NEGR1: variants seen among roughly 807,000 people sequenced by gnomAD.
NEGR1 encodes IgLON family member 4.
NEGR1 carries 10 observed loss-of-function variants against 40.9 expected under a neutral mutation model. The ratio of observed to expected loss-of-function variants is 0.24; its 90% confidence interval spans 0.15 to 0.42. The LOEUF (loss-of-function observed/expected upper bound fraction) is 0.42. Ranked by LOEUF, NEGR1 falls within the 10% of genes least tolerant of loss-of-function variation. NEGR1 has a pLI of 1.00. For missense variants in NEGR1, 352 were observed against 438.9 expected (o/e 0.80, Z 1.77); for synonymous variants, 185 against 166.8 (o/e 1.11, Z -0.84).
chr1:71,632,491 A>G (rs1287358025), intron 4 of NEGR1, among the ~76,000 whole-genome samples: 1 of 150,880 alleles, frequency 6.6e-6, no homozygotes, highest in Non-Finnish European at 1.5e-5. Context: ...TTGAACTTCT[A>G]TGCTATTAGT....
chr1:71,930,196 T>G (rs1645841949), intron 2 of NEGR1, among the ~76,000 whole-genome samples: 2 of 152,186 alleles, frequency 1.3e-5, no homozygotes, highest in African/African-American at 2.4e-5. Flanking sequence ...TATTGAAAGC[T>G]GTTATAAGTA....
intron 1 of NEGR1, among the ~76,000 whole-genome samples, chr1:72,192,561 T>C (rs1035965862): frequency 6.6e-6 from 1 of 151,818 alleles, no homozygotes; most frequent in Non-Finnish European, 1.5e-5. Context: ...AAATCTAAAT[T>C]ACAGTCTAGG....
chr1:71,636,479 T>A (rs1407084790), intron 4 of NEGR1, among the ~76,000 whole-genome samples: 1 of 152,100 alleles, frequency 6.6e-6, no homozygotes, highest in African/African-American at 2.4e-5. Flanking sequence ...ACTGAAAGTA[T>A]AGAATTATTA....
intron 1 of NEGR1, among the ~76,000 whole-genome samples, chr1:71,962,998 C>T (rs1450294777): frequency 1.3e-5 from 2 of 152,016 alleles, no homozygotes; most frequent in African/African-American, 4.8e-5. Context: ...TTCTAAATCT[C>T]CCAGTGCCAC....
chr1:71,603,251 T>C (rs1489698476), intron 5 of NEGR1, among the ~76,000 whole-genome samples: 1 of 152,220 alleles, frequency 6.6e-6, no homozygotes, highest in Non-Finnish European at 1.5e-5. Flanking sequence ...TTATTTCTAG[T>C]ACTCTTCTAA....
intron 4 of NEGR1, among the ~76,000 whole-genome samples, chr1:71,688,501 C>T (rs1244874850): frequency 4.3e-5 from 3 of 69,432 alleles, no homozygotes; most frequent in East Asian, 4.1e-4. Flanking sequence ...TCTGTCGCCC[C>T]GAGCTGGAGT....
intron 1 of NEGR1, among the ~76,000 whole-genome samples, chr1:72,131,106 G>A (rs1043113505): frequency 2.6e-5 from 4 of 152,082 alleles, no homozygotes; most frequent in Non-Finnish European, 5.9e-5. Flanking sequence ...TGTCTTCTAA[G>A]TCTCCTGACC....
intron 2 of NEGR1, among the ~76,000 whole-genome samples, chr1:71,783,674 T>A (rs1206217895): frequency 6.6e-6 from 1 of 152,206 alleles, no homozygotes; most frequent in Non-Finnish European, 1.5e-5. Context: ...AAACGTTATC[T>A]GTCGAACTTC....
At chr1:71,570,342 A>T (rs1557570992) in intron 6 of NEGR1, among the ~76,000 whole-genome samples, 1 of 152,214 alleles carries the variant, frequency 6.6e-6, no homozygotes, top group Non-Finnish European at 1.5e-5. Context: ...GCTTAAAACT[A>T]TAGCTCATTG....
At chr1:71,455,893 TCAGTTTA>T (rs1360490513) in intron 6 of NEGR1, among the ~76,000 whole-genome samples, 1 of 152,222 alleles carries the variant, frequency 6.6e-6, no homozygotes, top group Admixed American at 6.5e-5. Flanking sequence ...ACATAAGACT[TCAGTTTA>T]CAGTGTATGT....
intron 2 of NEGR1, among the ~76,000 whole-genome samples, chr1:71,886,494 A>G (rs1359959805): frequency 6.6e-6 from 1 of 151,046 alleles, no homozygotes; most frequent in Non-Finnish European, 1.5e-5. Flanking sequence ...GGAGAGATGG[A>G]AGGAGGAATT....
intron 1 of NEGR1, among the ~76,000 whole-genome samples, chr1:71,976,620 C>CT (rs1359264788): frequency 4.0e-5 from 6 of 151,892 alleles, no homozygotes; most frequent in South Asian, 2.1e-4. Flanking sequence ...ATTTGGGTAG[C>CT]TTTTTTTAAA....
Position 71,397,713 on chromosome 1 carries a change from G to A in NEGR1, c.*9733C>T, listed in dbSNP as rs1488198578. 1 of 152,220 alleles carries A rather than the reference G, an allele frequency of 6.6e-6. No individual in the cohort carries two copies. The highest frequency in any genetic ancestry group is 2.4e-5 in the African/African-American group (1 of 41,452). The allele number at this position is 152,220 out of a possible 1,614,324, so 9.4% of individuals were successfully genotyped here. A position where few individuals can be genotyped will look rare whatever the true frequency, so the allele number is the denominator to read the frequency against. The stretch of plus-strand genomic sequence containing the variant: ...GATAGAAAAGAAAATCCCATTTCCT[G>A]AGGAGAAATTCAAGCTGGCTGCAGA... On this transcript the variant is annotated 3_prime_UTR_variant, in exon 7 of 7. Coordinates refer to ENST00000357731, the MANE Select transcript of NEGR1 (RefSeq NM_173808.3).
chr1:72,024,931 G>T (rs892789199), intron 1 of NEGR1, among the ~76,000 whole-genome samples: 1 of 152,110 alleles, frequency 6.6e-6, no homozygotes, highest in African/African-American at 2.4e-5. Flanking sequence ...AGCATAATAT[G>T]CACATTAGCA....
intron 1 of NEGR1, among the ~76,000 whole-genome samples, chr1:72,074,908 A>C (rs1647655059): frequency 6.6e-6 from 1 of 152,112 alleles, no homozygotes; most frequent in Admixed American, 6.6e-5. Context: ...TAATGTTTCT[A>C]ATATAAATAG....
chr1:71,753,208 C>T (rs994417754), intron 3 of NEGR1, among the ~76,000 whole-genome samples: 2 of 152,046 alleles, frequency 1.3e-5, no homozygotes, highest in African/African-American at 4.8e-5. Context: ...CAATAGTATT[C>T]ACACAAAGAT....
chr1:72,144,839 G>C (rs989041877), intron 1 of NEGR1, among the ~76,000 whole-genome samples: 3 of 151,980 alleles, frequency 2.0e-5, no homozygotes, highest in Admixed American at 2.0e-4. Context: ...CCAACATAAA[G>C]ATTTTTCTCT....
chr1:71,847,720 AATAC>A (rs1659468181), intron 2 of NEGR1, among the ~76,000 whole-genome samples: 2 of 152,204 alleles, frequency 1.3e-5, no homozygotes, highest in Admixed American at 6.5e-5. Context: ...TAGGCCACTT[AATAC>A]CCTACAATGA....
At chr1:72,171,738 C>T (rs951105031) in intron 1 of NEGR1, among the ~76,000 whole-genome samples, 4 of 152,046 alleles carry the variant, frequency 2.6e-5, no homozygotes, top group Non-Finnish European at 5.9e-5. Flanking sequence ...AACTTCATTC[C>T]CCCTCTTTAA....
Sources: gnomAD v4.1 joint callset for allele counts (sites outside exome capture counted in the v4.1 genomes callset) on GRCh38, gnomAD v4.1.1 for gene constraint, MANE v1.5 for transcripts, NCBI Gene and HGNC (gene_info 2026-07-23, HGNC 2026-07-21) for gene names.